Variants in HTR7 observed in about 807,000 individuals in gnomAD.
HTR7 encodes 5-HT-7.
In HTR7, 16 loss-of-function variants were observed where a neutral mutation model predicts 34.0. The ratio of observed to expected loss-of-function variants is 0.47; its 90% CI spans 0.32 to 0.71. The LOEUF is 0.71. Among genes scored for constraint, HTR7 ranks in the 30% least tolerant of loss-of-function variants. The pLI is 0.04. For synonymous variants in HTR7, 265 were observed against 260.2 expected (o/e 1.02, Z -0.18); for missense variants, 504 against 625.5 (o/e 0.81, Z 2.07).
chr10:90,746,664 G>C (rs986285843), intron 2 of HTR7, among the ~76,000 whole-genome samples: 11 of 152,118 alleles, frequency 7.2e-5, no homozygotes, highest in Non-Finnish European at 1.5e-4. Flanking sequence ...AACAAAAATA[G>C]CCTACTTATC....
At chr10:90,827,444 A>G (rs1308184744) in intron 1 of HTR7, among the ~76,000 whole-genome samples, 2 of 152,210 alleles carry the variant, frequency 1.3e-5, no homozygotes, top group Admixed American at 6.5e-5. Context: ...TGGATTTTTA[A>G]AAAACAGACC....
At chr10:90,757,766 A>G (rs1844858001) in intron 1 of HTR7, among the ~76,000 whole-genome samples, 2 of 152,188 alleles carry the variant, frequency 1.3e-5, no homozygotes, top group Non-Finnish European at 1.5e-5. Context: ...ATGCTCCAAC[A>G]ATAACAACAA....
intron 1 of HTR7, among the ~76,000 whole-genome samples, chr10:90,805,628 A>C (rs1845693239): frequency 6.6e-6 from 1 of 152,186 alleles, no homozygotes; most frequent in African/African-American, 2.4e-5. Flanking sequence ...AATTGTTTTA[A>C]GGTATGAAAC....
intron 1 of HTR7, among the ~76,000 whole-genome samples, chr10:90,822,487 T>C (rs530465930): frequency 7.9e-5 from 12 of 152,324 alleles, no homozygotes; most frequent in African/African-American, 2.6e-4. Context: ...CTTGTATTCA[T>C]AAGCAAAGAG....
At chr10:90,831,430 G>C (rs1426959765) in intron 1 of HTR7, among the ~76,000 whole-genome samples, 1 of 152,088 alleles carries the variant, frequency 6.6e-6, no homozygotes, top group African/African-American at 2.4e-5. Context: ...CGTGGTCTCG[G>C]TGACTTCAGG....
At chr10:90,767,511 G>A (rs770240269) in intron 1 of HTR7, among the ~76,000 whole-genome samples, 16 of 152,096 alleles carry the variant, frequency 1.1e-4, no homozygotes, top group Non-Finnish European at 1.9e-4. Flanking sequence ...GAGCTGTGGT[G>A]GACTAAATAT....
intron 1 of HTR7, among the ~76,000 whole-genome samples, chr10:90,768,942 G>C (rs190608132): frequency 1.3e-5 from 2 of 152,268 alleles, no homozygotes; most frequent in Middle Eastern, 3.4e-3. Flanking sequence ...GCCAAGGCTC[G>C]TGTTCAGTTA....
intron 1 of HTR7, among the ~76,000 whole-genome samples, chr10:90,853,004 C>T (rs1167611257): frequency 6.6e-6 from 1 of 151,952 alleles, no homozygotes; most frequent in East Asian, 1.9e-4. Context: ...AAAGTTTTAA[C>T]AAATATTTCA....
intron 2 of HTR7, among the ~76,000 whole-genome samples, chr10:90,744,707 CAAATGGCTACAGAG>C (rs1244667722): frequency 1.9e-4 from 29 of 152,090 alleles, no homozygotes; most frequent in Non-Finnish European, 5.9e-5. Context: ...CAGAAATGGC[CAAATGGCTACAGAG>C]AGTTGGGATG....
intron 1 of HTR7, among the ~76,000 whole-genome samples, chr10:90,822,956 G>T (rs1018586673): frequency 1.8e-4 from 27 of 152,260 alleles, no homozygotes; most frequent in Admixed American, 6.5e-5. Context: ...GAAGGCAAGA[G>T]ATGAGGCTTG....
chr10:90,814,563 A>T (rs1157664181), intron 1 of HTR7, among the ~76,000 whole-genome samples: 1 of 152,248 alleles, frequency 6.6e-6, no homozygotes, highest in African/African-American at 2.4e-5. Context: ...GGAAATTTTT[A>T]AATGGTTATT....
At chr10:90,831,056 T>C (rs1223519114) in intron 1 of HTR7, among the ~76,000 whole-genome samples, 4 of 151,168 alleles carry the variant, frequency 2.6e-5, no homozygotes, top group Non-Finnish European at 3.0e-5. Context: ...AAGGTTGTAC[T>C]ACATAATCTC....
At chr10:90,793,023 A>G (rs980975170) in intron 1 of HTR7, among the ~76,000 whole-genome samples, 6 of 152,208 alleles carry the variant, frequency 3.9e-5, no homozygotes, top group Non-Finnish European at 5.9e-5. Flanking sequence ...ACCAAAGCAC[A>G]GGCAGCAAAA....
At chr10:90,840,177 T>TCACACACACACA (rs35170324) in intron 1 of HTR7, among the ~76,000 whole-genome samples, 63 of 136,796 alleles carry the variant, frequency 4.6e-4, no homozygotes, top group African/African-American at 1.6e-3. Context: ...TCTCTCTCTC[T>TCACACACACACA]CACACACACA....
intron 2 of HTR7, chr10:90,743,930 T>A (rs1396054462): frequency 6.1e-6 from 4 of 659,258 alleles, no homozygotes; most frequent in African/African-American, 3.6e-5. Flanking sequence ...CCTGATGAAC[T>A]CCTGAGGTTC....
chr10:90,797,576 A>G (rs1399830259), intron 1 of HTR7, among the ~76,000 whole-genome samples: 2 of 152,256 alleles, frequency 1.3e-5, no homozygotes, highest in Non-Finnish European at 2.9e-5. Context: ...AGGTGTTTAC[A>G]AGACAATACT....
chr10:90,821,770 G>A (rs1289013151), intron 1 of HTR7, among the ~76,000 whole-genome samples: 3 of 152,202 alleles, frequency 2.0e-5, no homozygotes, highest in Non-Finnish European at 4.4e-5. Flanking sequence ...TGAATCATGA[G>A]GGTGGACTTC....
intron 1 of HTR7, among the ~76,000 whole-genome samples, chr10:90,813,516 C>T (rs144562642): frequency 4.7e-4 from 66 of 140,888 alleles, no homozygotes; most frequent in African/African-American, 1.6e-3. Context: ...AGTGAGACTC[C>T]GTGTCAAAAA....
At position 90,776,429 on chromosome 10, in the gene HTR7, T is replaced by C. The variant is rs924525786; in HGVS notation, c.540-26835A>G. 2.6e-5 allele frequency among the ~76,000 whole-genome samples: 4 copies of C among 152,366 alleles called. No homozygotes were observed. The East Asian group carries it at 5.8e-4, about 22-fold the overall frequency. On this transcript the variant is annotated intron_variant, in intron 1 of 3. Coordinates refer to ENST00000336152, the MANE Select transcript of HTR7 (RefSeq NM_019859.4). ...CCAACTCTAATTCACAGATATTTAT[T>C]TGAGAAAGCAGCAGGTAGGTAATCT... is the stretch of plus-strand genomic sequence containing the variant.
Sources: allele counts gnomAD v4.1 joint callset (sites outside exome capture counted in the v4.1 genomes callset), GRCh38; gene constraint gnomAD v4.1.1; transcripts MANE v1.5; gene names NCBI Gene and HGNC (gene_info 2026-07-23, HGNC 2026-07-21).